Variants in IP6K1 observed in about 807,000 individuals in gnomAD.
The protein encoded by IP6K1 is inositol hexakisphosphate kinase 1.
In IP6K1, 13 loss-of-function variants were observed where a neutral mutation model predicts 38.3. The observed-to-expected ratio is 0.34, with a 90% CI of 0.22 to 0.54. IP6K1 has a LOEUF of 0.54. Among genes scored for constraint, IP6K1 ranks in the 20% least tolerant of loss-of-function variants. IP6K1 has a pLI of 0.92. For synonymous variants in IP6K1, 212 were observed against 229.9 expected (o/e 0.92, Z 0.70); for missense variants, 397 against 599.8 (o/e 0.66, Z 3.53).
intron 2 of IP6K1, among the ~76,000 whole-genome samples, chr3:49,742,122 T>A (rs562177898): frequency 1.3e-5 from 2 of 152,270 alleles, no homozygotes; most frequent in Non-Finnish European, 1.5e-5. Flanking sequence ...ATTCTTAGGA[T>A]CTACTTTATT....
intron 1 of IP6K1, among the ~76,000 whole-genome samples, chr3:49,774,467 TA>T (rs940634508): frequency 7.5e-6 from 1 of 132,454 alleles, no homozygotes; most frequent in Non-Finnish European, 1.6e-5. Flanking sequence ...ATCAAATACA[TA>T]TTGAGTATCT....
intron 1 of IP6K1, among the ~76,000 whole-genome samples, chr3:49,774,016 CA>C (rs1559715344): frequency 8.8e-6 from 1 of 113,508 alleles, no homozygotes; most frequent in Non-Finnish European, 2.2e-5. Flanking sequence ...CACACACACA[CA>C]CAACACACAC....
intron 1 of IP6K1, among the ~76,000 whole-genome samples, chr3:49,769,337 G>T (rs567561811): frequency 3.3e-4 from 50 of 152,192 alleles, no homozygotes; most frequent in African/African-American, 1.2e-3. Flanking sequence ...ATAAAGTTGG[G>T]TTATTTACAC....
At position 49,727,288 on chromosome 3, in the gene IP6K1, G is replaced by A. The variant is rs948020062; in HGVS notation, c.1160C>T (p.Pro387Leu). The change falls in exon 6 of 6, where the codon CCC becomes CTC. Residue 387 changes from proline to leucine, a missense_variant. This residue lies in a region of IP6K1 where 164 missense variants were observed against 213.5 expected (regional missense o/e 0.77). Transcript: ENST00000321599. This position sits in a 1 kb window ranked among gnomAD's most constrained non-coding sequence, Gnocchi z 5.9. ...SPSNTSPEAG[P>L]SSQPKVDVRM... ...GACATCCACCTTGGGCTGAGAGGAGGGACCCGCCTCGGGGCTGGTGTTGCT... is the reference window on the plus strand; with the variant it reads ...GACATCCACCTTGGGCTGAGAGGAGAGACCCGCCTCGGGGCTGGTGTTGCT... The A allele has an allele frequency of 1.2e-6, 2 of 1,614,036 alleles. No homozygotes were observed. The highest frequency in any genetic ancestry group is 2.7e-5 in the African/African-American group (2 of 74,912).
rs1419285601 is a variant in IP6K1, at chr3:49,751,196, G to A, written c.-128-3028C>T. Among the ~76,000 whole-genome samples the A allele has an allele frequency of 3.3e-5, 5 of 151,810 alleles. No homozygotes were observed. The East Asian group carries it at 5.8e-4, about 18-fold the overall frequency. ...GTTGTTGAGATGGAGTCTCACTGTC[G>A]CTAGGCTGGAGTGCAGTGGCGCGAT... On this transcript the variant is annotated intron_variant, in intron 1 of 5. Coordinates refer to ENST00000321599, the MANE Select transcript of IP6K1 (RefSeq NM_153273.4).
At chr3:49,766,522 G>A (rs1467493509) in intron 1 of IP6K1, among the ~76,000 whole-genome samples, 1 of 151,434 alleles carries the variant, frequency 6.6e-6, no homozygotes, top group Non-Finnish European at 1.5e-5. Context: ...ACATCAGTTG[G>A]GTGTGGTGGT....
intron 1 of IP6K1, among the ~76,000 whole-genome samples, chr3:49,774,567 G>A (rs1426775465): frequency 6.6e-6 from 1 of 152,056 alleles, no homozygotes; most frequent in Non-Finnish European, 1.5e-5. Flanking sequence ...GGCCCAAGAA[G>A]TTAATGGTAA....
chr3:49,774,337 G>A (rs1301541522), intron 1 of IP6K1, among the ~76,000 whole-genome samples: 1 of 150,046 alleles, frequency 6.7e-6, no homozygotes, highest in Admixed American at 6.7e-5. Flanking sequence ...GAACCCAGGA[G>A]GTGGAGCTTG....
At chr3:49,728,304 A>C (rs2080530311) in intron 4 of IP6K1, 26 bp from the exon 5 acceptor site, 1 of 1,604,596 alleles carries the variant, frequency 6.2e-7, no homozygotes, top group Non-Finnish European at 8.5e-7. Context: ...GGAGAATGAC[A>C]ACCACACTCA....
rs781191060 is a variant in IP6K1, at chr3:49,732,900, G to A, written c.507C>T (p.Gly169=). ...HSEVPFQMLD[G]NSGLSSEKIS... ...TCTTCTCAGAACTCAAGCCACTGTT[G>A]CCATCTAGCATCTGGAAAGGGACCT... The change falls in exon 4 of 6, where the codon GGC becomes GGT. Residue 169 remains glycine (G), a synonymous_variant. Coordinates refer to ENST00000321599, the MANE Select transcript of IP6K1 (RefSeq NM_153273.4). The A allele has an allele frequency of 1.9e-5, 30 of 1,614,006 alleles. No homozygotes were observed. In the South Asian group the frequency reaches 3.1e-4, roughly 17 times the overall value.
At chr3:49,770,127 A>C (rs894678974) in intron 1 of IP6K1, among the ~76,000 whole-genome samples, 1 of 152,184 alleles carries the variant, frequency 6.6e-6, no homozygotes, top group African/African-American at 2.4e-5. Flanking sequence ...CAAGCCCAGG[A>C]GGCCAGGGCT....
rs1468071806 is a variant in IP6K1, at chr3:49,774,420, A to AG, written c.-129+11933_-129+11934insC. 5.3e-5 allele frequency among the ~76,000 whole-genome samples: 8 copies of AG among 151,136 alleles called. No individual in the cohort carries two copies. The East Asian group carries it at 1.5e-3, about 29-fold the overall frequency. On this transcript the variant is annotated intron_variant, in intron 1 of 5. Coordinates refer to ENST00000321599, the MANE Select transcript of IP6K1 (RefSeq NM_153273.4). ...TAGACTCCATCTCAAAAAAAAAAAA[A>AG]AAAAAAAAAGAAAAAAAAAATTTAA...
At chr3:49,758,957 A>AC (rs1217662835) in intron 1 of IP6K1, among the ~76,000 whole-genome samples, 4 of 151,030 alleles carry the variant, frequency 2.6e-5, no homozygotes, top group African/African-American at 9.7e-5. Context: ...AAAAAAAAAA[A>AC]ATACCCAACA....
At chr3:49,771,018 C>A (rs2080952993) in intron 1 of IP6K1, among the ~76,000 whole-genome samples, 1 of 151,832 alleles carries the variant, frequency 6.6e-6, no homozygotes, top group Non-Finnish European at 1.5e-5. Context: ...ACTAGGGAGG[C>A]TGAGGCAGGA....
At chr3:49,743,916 G>A (rs562810138) in intron 2 of IP6K1, among the ~76,000 whole-genome samples, 1 of 151,440 alleles carries the variant, frequency 6.6e-6, no homozygotes, top group Non-Finnish European at 1.5e-5. Context: ...CACCATGCCC[G>A]GCGGAGCCAT....
intron 2 of IP6K1, among the ~76,000 whole-genome samples, chr3:49,742,739 A>G (rs1046369051): frequency 1.3e-5 from 2 of 151,412 alleles, no homozygotes; most frequent in African/African-American, 4.9e-5. Context: ...TCTCTACAAA[A>G]TACAAAAAAA....
intron 3 of IP6K1, among the ~76,000 whole-genome samples, chr3:49,734,767 T>G (rs887932012): frequency 6.6e-6 from 1 of 152,212 alleles, no homozygotes; most frequent in Non-Finnish European, 1.5e-5. Flanking sequence ...ATTTGCCATG[T>G]AAACCCAAAG....
At chr3:49,784,247 T>G (rs909572963) in intron 1 of IP6K1, among the ~76,000 whole-genome samples, 8 of 152,048 alleles carry the variant, frequency 5.3e-5, no homozygotes, top group African/African-American at 1.9e-4. Flanking sequence ...TCCGCCCGCC[T>G]CAGCCTCCCA....
At chr3:49,773,361 A>G (rs1328243824) in intron 1 of IP6K1, among the ~76,000 whole-genome samples, 1 of 152,204 alleles carries the variant, frequency 6.6e-6, no homozygotes. Flanking sequence ...CTGTAATCCC[A>G]GCACTTTGGG....
Sources: gnomAD v4.1 joint callset for allele counts (sites outside exome capture counted in the v4.1 genomes callset) on GRCh38, gnomAD v4.1.1 for gene constraint, gnomAD v4.1.1 regional missense constraint, Gnocchi (gnomAD v3.1) non-coding constraint, MANE v1.5 for transcripts, NCBI Gene and HGNC (gene_info 2026-07-23, HGNC 2026-07-21) for gene names.